GDAP1L1: variants seen among roughly 807,000 people sequenced by gnomAD.
GDAP1L1 encodes the protein ganglioside induced differentiation associated protein 1 like 1.
GDAP1L1 carries 21 observed loss-of-function variants against 37.1 expected under a neutral mutation model. The observed-to-expected ratio is 0.57, with a 90% CI of 0.40 to 0.81. GDAP1L1 has a LOEUF of 0.81. GDAP1L1 is among the 40% of genes least tolerant of loss of function. GDAP1L1 has a pLI of 0.00. For missense variants in GDAP1L1, 362 were observed against 491.6 expected (o/e 0.74, Z 2.49); for synonymous variants, 193 against 209.1 (o/e 0.92, Z 0.67).
chr20:44,253,803 T>G (rs1319382649), intron 1 of GDAP1L1, among the ~76,000 whole-genome samples: 1 of 152,248 alleles, frequency 6.6e-6, no homozygotes, highest in Non-Finnish European at 1.5e-5. Context: ...GAAAGTCTCC[T>G]TGGCCGCCTG....
chr20:44,268,842 C>T (rs2062483148), intron 5 of GDAP1L1, among the ~76,000 whole-genome samples: 1 of 152,122 alleles, frequency 6.6e-6, no homozygotes, highest in Admixed American at 6.5e-5. Context: ...GGCCTCAGAG[C>T]CTACATTTAC....
chr20:44,260,633 G>A (rs2073655133), intron 3 of GDAP1L1, among the ~76,000 whole-genome samples: 2 of 152,184 alleles, frequency 1.3e-5, no homozygotes, highest in Admixed American at 1.3e-4. Flanking sequence ...CGGGGCCACA[G>A]AAGCCTTCCA....
chr20:44,248,913 TG>T (rs779273317), intron 1 of GDAP1L1, among the ~76,000 whole-genome samples: 18 of 152,304 alleles, frequency 1.2e-4, no homozygotes, highest in Non-Finnish European at 2.1e-4. Flanking sequence ...ATCTGTAAAA[TG>T]GGGTGAATGC....
chr20:44,277,880 G>A (rs73907206), intron 5 of GDAP1L1, among the ~76,000 whole-genome samples: 2,149 of 152,194 alleles, frequency 0.014, 51 homozygotes, highest in African/African-American at 0.05. Flanking sequence ...GGGGCCGGGC[G>A]CAGTGGCTTA....
intron 5 of GDAP1L1, among the ~76,000 whole-genome samples, chr20:44,269,029 C>T (rs568594982): frequency 3.7e-4 from 56 of 152,248 alleles, no homozygotes; most frequent in Middle Eastern, 3.4e-3. Flanking sequence ...TCAGCTGGGA[C>T]GGCTTGCCTC....
chr20:44,260,194 TACA>T (rs905280768), intron 3 of GDAP1L1, among the ~76,000 whole-genome samples: 8 of 151,078 alleles, frequency 5.3e-5, no homozygotes, highest in African/African-American at 2.0e-4. Flanking sequence ...GGTACTTCCA[TACA>T]ACGGAATACT....
Position 44,247,403 on chromosome 20 carries a change from T to C in GDAP1L1, c.69T>C (p.Asp23=), listed in dbSNP as rs781692296. The change falls in exon 1 of 6, where the codon GAT becomes GAC. Residue 23 remains aspartate (D), a synonymous_variant. Transcript: ENST00000342560. ...GGCCCATCTCCGCGCTGGAGAGCGA[T>C]GCGGCCAAGCCAGCGGAGGCCCCCG... ...SWWPISALES[D]AAKPAEAPDA... 1.4e-5 allele frequency: 23 copies of C among 1,612,600 alleles called. No individual in the cohort carries two copies. The highest frequency in any genetic ancestry group is 1.7e-5 in the Non-Finnish European group (20 of 1,179,730).
At chr20:44,263,150 T>C in intron 3 of GDAP1L1, 80 bp from the exon 4 acceptor site, 3 of 1,027,448 alleles carry the variant, frequency 2.9e-6, no homozygotes, top group South Asian at 1.3e-5. Flanking sequence ...GGATGGGGCC[T>C]ACTTCAAGTT....
chr20:44,261,370 T>C (rs1013932829), intron 3 of GDAP1L1, among the ~76,000 whole-genome samples: 3 of 152,192 alleles, frequency 2.0e-5, no homozygotes, highest in African/African-American at 7.2e-5. Context: ...CTGAATGATC[T>C]GGGAGTGCGT....
chr20:44,276,466 A>AAGAAAGAAAGAAAGAAAGAAAGAAAGAG (rs1555801145), intron 5 of GDAP1L1, among the ~76,000 whole-genome samples: 3 of 136,986 alleles, frequency 2.2e-5, no homozygotes, highest in South Asian at 4.7e-4. Flanking sequence ...GAAAGAAAGA[A>AAGAAAGAAAGAAAGAAAGAAAGAAAGAG]AAAGAAAGGC....
At position 44,272,662 on chromosome 20, in the gene GDAP1L1, A is replaced by G. The variant is rs62205987; in HGVS notation, c.761-6295A>G. On this transcript the variant is annotated intron_variant, in intron 5 of 5. Transcript: ENST00000342560. ...ACACACAAGTAGAGGAGAAGAGAGG[A>G]GAACAGGGAAGGGATCAGATACCAG... Among the ~76,000 whole-genome samples the G allele has an allele frequency of 7.3e-3, 1,110 of 152,220 alleles. 13 individuals are homozygous for G. The highest frequency in any genetic ancestry group is 0.051 in the East Asian group (263 of 5,172).
Position 44,279,315 on chromosome 20 carries a change from C to T in GDAP1L1, c.*15C>T. 1 of 1,527,154 alleles carries T rather than the reference C, an allele frequency of 6.5e-7. No individual in the cohort carries two copies. The highest frequency in any genetic ancestry group is 2.2e-5 in the East Asian group (1 of 44,482). The allele number at this position is 1,527,154 out of a possible 1,614,324, so 94.6% of individuals were successfully genotyped here. ...AATACATCTAGGGCCAGGCCTGGGG[C>T]TTGGTGTCTGACTGTCGGTGTCTCT... is the stretch of plus-strand genomic sequence containing the variant. On this transcript the variant is annotated 3_prime_UTR_variant, in exon 6 of 6. Coordinates refer to ENST00000342560, the MANE Select transcript of GDAP1L1 (RefSeq NM_024034.6).
At chr20:44,248,249 TG>T (rs1268471445) in intron 1 of GDAP1L1, among the ~76,000 whole-genome samples, 1 of 152,204 alleles carries the variant, frequency 6.6e-6, no homozygotes, top group Non-Finnish European at 1.5e-5. Context: ...TCCCGCTTCC[TG>T]GGGGTAAGGC....
intron 5 of GDAP1L1, among the ~76,000 whole-genome samples, chr20:44,274,457 G>T (rs1254971886): frequency 6.6e-6 from 1 of 152,064 alleles, no homozygotes; most frequent in Non-Finnish European, 1.5e-5. Flanking sequence ...CTCCAAACCA[G>T]CTTTTAAGTC....
chr20:44,252,245 C>T (rs923544415), intron 1 of GDAP1L1, among the ~76,000 whole-genome samples: 2 of 152,182 alleles, frequency 1.3e-5, no homozygotes, highest in Non-Finnish European at 2.9e-5. Context: ...GGCGTGGTGG[C>T]TCACACCTGT....
At chr20:44,259,958 C>T (rs1600540560) in intron 3 of GDAP1L1, among the ~76,000 whole-genome samples, 2 of 152,302 alleles carry the variant, frequency 1.3e-5, no homozygotes, top group Middle Eastern at 6.8e-3. Flanking sequence ...CAGCCAATTA[C>T]AGTGCAGAAC....
At chr20:44,270,051 A>T (rs553364232) in intron 5 of GDAP1L1, among the ~76,000 whole-genome samples, 14 of 152,262 alleles carry the variant, frequency 9.2e-5, no homozygotes, top group African/African-American at 3.4e-4. Context: ...AAGCTATAGA[A>T]TTGGATGTTT....
At chr20:44,275,903 T>C (rs2062567674) in intron 5 of GDAP1L1, among the ~76,000 whole-genome samples, 1 of 152,152 alleles carries the variant, frequency 6.6e-6, no homozygotes. Context: ...AAAAACATGG[T>C]GATAAATAAT....
intron 1 of GDAP1L1, among the ~76,000 whole-genome samples, chr20:44,256,617 G>A (rs1264635089): frequency 6.6e-6 from 1 of 151,668 alleles, no homozygotes; most frequent in Non-Finnish European, 1.5e-5. Context: ...CTGAGATTGC[G>A]CCACTGCACT....
Sources: gnomAD v4.1 joint callset for allele counts (sites outside exome capture counted in the v4.1 genomes callset) on GRCh38, gnomAD v4.1.1 for gene constraint, MANE v1.5 for transcripts, NCBI Gene and HGNC (gene_info 2026-07-23, HGNC 2026-07-21) for gene names.